Variants in CSMD3 observed in about 807,000 individuals in gnomAD.
CSMD3 encodes the protein CUB and sushi domain-containing protein 3.
Under a neutral mutation model 435.2 loss-of-function variants are expected in CSMD3, and 177 were observed. The observed-to-expected ratio is 0.41, with a 90% CI of 0.36 to 0.46. The LOEUF (loss-of-function observed/expected upper bound fraction) is 0.46, where lower values mean the gene tolerates loss of function less well. Among genes scored for constraint, CSMD3 ranks in the 20% least tolerant of loss-of-function variants. CSMD3 has a pLI of 0.34. For synonymous variants in CSMD3, 1,656 were observed against 1,520.5 expected, an observed-to-expected ratio of 1.09 and a Z score of -2.07; for missense variants, 4,265 against 4,504.6, an observed-to-expected ratio of 0.95 and a Z score of 1.52.
intron 23 of CSMD3, among the ~76,000 whole-genome samples, chr8:112,583,821 T>C (rs751807085): frequency 1.4e-4 from 22 of 151,938 alleles, no homozygotes; most frequent in Non-Finnish European, 2.7e-4. Flanking sequence ...TAAATGATCA[T>C]TTTGTACCAG....
chr8:112,361,570 TAC>T (rs1377576237), intron 38 of CSMD3, among the ~76,000 whole-genome samples: 54 of 38,778 alleles, frequency 1.4e-3, no homozygotes, highest in Non-Finnish European at 2.3e-3. Flanking sequence ...TATATACACA[TAC>T]ATATATATAT....
chr8:113,241,198 C>A (rs2093211529), intron 3 of CSMD3, among the ~76,000 whole-genome samples: 1 of 151,804 alleles, frequency 6.6e-6, no homozygotes, highest in South Asian at 2.1e-4. Context: ...ATAAGAATAA[C>A]AAGAAGAAAA....
chr8:112,655,904 C>G (rs1370953498), intron 18 of CSMD3, among the ~76,000 whole-genome samples: 1 of 151,868 alleles, frequency 6.6e-6, no homozygotes, highest in Non-Finnish European at 1.5e-5. Context: ...ACCTCATTTT[C>G]AAATAATGAT....
chr8:112,352,492 C>T lies in CSMD3; in HGVS notation c.6179G>A (p.Ser2060Asn). The change falls in exon 39 of 71, where the codon AGT becomes AAT. Residue 2060 changes from serine (S) to asparagine (N), a missense_variant. Physicochemically the swap from Ser to Asn is conservative, Grantham distance 46 (BLOSUM62 1). Coordinates refer to ENST00000297405, the MANE Select transcript of CSMD3 (RefSeq NM_198123.2). ...DSCPEPQTPS[S>N]GIKIGDRYMV... ...ATATCTGTCTCCAATTTTAATTCCA[C>T]TGCTAGGAGTTTGTGGTTCAGGACA... 1 of 1,613,628 alleles carries T rather than the reference C, an allele frequency of 6.2e-7. No individual in the cohort carries two copies. Among genetic ancestry groups the T allele is most frequent in the Non-Finnish European group, 8.5e-7 (1 of 1,179,738 alleles).
At chr8:112,610,011 T>TG (rs924893941) in intron 22 of CSMD3, among the ~76,000 whole-genome samples, 26 of 151,372 alleles carry the variant, frequency 1.7e-4, no homozygotes, top group Admixed American at 1.3e-3. Context: ...TTAACAAAGG[T>TG]GGGGGGTAGG....
chr8:112,989,806 T>A lies in CSMD3; in HGVS notation c.1031-13658A>T, dbSNP rs149840845. Among the ~76,000 whole-genome samples the A allele has an allele frequency of 4.7e-4, 71 of 150,418 alleles. No homozygotes were observed. The East Asian group carries it at 0.013, about 28-fold the overall frequency. ...AGCTTCCACCTTGGATCTCTTGGGA[T>A]GCTTTCCTCAAACTGCCACTGATAT... On this transcript the variant is annotated intron_variant, in intron 6 of 70. Transcript: ENST00000297405.
At chr8:112,581,841 G>A (rs1000615057) in intron 23 of CSMD3, among the ~76,000 whole-genome samples, 1 of 152,004 alleles carries the variant, frequency 6.6e-6, no homozygotes, top group African/African-American at 2.4e-5. Flanking sequence ...AGATGATGGA[G>A]GTGAGTTTAC....
intron 32 of CSMD3, among the ~76,000 whole-genome samples, chr8:112,463,596 C>G (rs920398395): frequency 6.6e-6 from 1 of 152,168 alleles, no homozygotes; most frequent in Non-Finnish European, 1.5e-5. Flanking sequence ...TACATCAGAT[C>G]TTTTAATAAC....
At chr8:113,221,354 T>TACACACAC (rs147263614) in intron 3 of CSMD3, among the ~76,000 whole-genome samples, 4,919 of 141,868 alleles carry the variant, frequency 0.035, 121 homozygotes, top group African/African-American at 0.066. Flanking sequence ...CAGACACAGT[T>TACACACAC]ACACACACAC....
At chr8:112,825,354 C>CGCA (rs1423675742) in intron 12 of CSMD3, among the ~76,000 whole-genome samples, 2 of 151,910 alleles carry the variant, frequency 1.3e-5, no homozygotes, top group Non-Finnish European at 1.5e-5. Flanking sequence ...TTGCTGGAGA[C>CGCA]GCACTGCAAT....
chr8:112,598,460 T>G (rs1397755901), intron 22 of CSMD3, among the ~76,000 whole-genome samples: 2 of 148,186 alleles, frequency 1.3e-5, no homozygotes, highest in African/African-American at 5.0e-5. Flanking sequence ...AATTTACAGA[T>G]TCAATGCCAT....
intron 54 of CSMD3, among the ~76,000 whole-genome samples, chr8:112,294,590 A>G (rs1440839536): frequency 6.6e-6 from 1 of 152,102 alleles, no homozygotes; most frequent in East Asian, 1.9e-4. Flanking sequence ...TTTTATTTTC[A>G]TAATATAGCA....
intron 6 of CSMD3, among the ~76,000 whole-genome samples, chr8:113,018,278 G>A (rs1009448611): frequency 2.6e-5 from 4 of 151,698 alleles, no homozygotes; most frequent in African/African-American, 9.7e-5. Flanking sequence ...GCCATTTTGA[G>A]TACTAAATAT....
At chr8:112,497,883 C>T (rs894455318) in intron 30 of CSMD3, among the ~76,000 whole-genome samples, 2 of 151,926 alleles carry the variant, frequency 1.3e-5, no homozygotes, top group African/African-American at 4.8e-5. Context: ...CCATAAACAG[C>T]GGGGGTTTGA....
At chr8:112,883,532 T>C (rs957165031) in intron 10 of CSMD3, among the ~76,000 whole-genome samples, 3 of 151,980 alleles carry the variant, frequency 2.0e-5, no homozygotes, top group African/African-American at 4.8e-5. Flanking sequence ...TTTTATTCTC[T>C]TCCTCAATAC....
chr8:113,224,307 A>G (rs1443963784), intron 3 of CSMD3, among the ~76,000 whole-genome samples: 3 of 151,050 alleles, frequency 2.0e-5, no homozygotes, highest in Non-Finnish European at 4.5e-5. Context: ...TCCTGTCTCT[A>G]TTTTGCTTCA....
chr8:112,893,018 A>C (rs1195967700), intron 10 of CSMD3, among the ~76,000 whole-genome samples: 23 of 151,408 alleles, frequency 1.5e-4, no homozygotes, highest in Admixed American at 1.5e-3. Flanking sequence ...AGAATGAATA[A>C]TAATGGCACT....
chr8:112,424,005 C>T (rs986148460), intron 32 of CSMD3, among the ~76,000 whole-genome samples: 2 of 152,092 alleles, frequency 1.3e-5, no homozygotes, highest in African/African-American at 2.4e-5. Flanking sequence ...CATACTTATA[C>T]ACGCAAATTT....
At chr8:112,813,176 A>G (rs1400198367) in intron 12 of CSMD3, among the ~76,000 whole-genome samples, 1 of 152,190 alleles carries the variant, frequency 6.6e-6, no homozygotes, top group African/African-American at 2.4e-5. Context: ...AAAAAGCTGT[A>G]GGCTTTATTG....
Sources: gnomAD v4.1 joint callset for allele counts (sites outside exome capture counted in the v4.1 genomes callset) on GRCh38, gnomAD v4.1.1 for gene constraint, MANE v1.5 for transcripts, NCBI Gene and HGNC (gene_info 2026-07-23, HGNC 2026-07-21) for gene names.